The following DPYSL2 variants were observed in gnomAD, a reference collection of about 807,000 sequenced individuals.
The protein encoded by DPYSL2 is dihydropyrimidinase-related protein 2.
Under a neutral mutation model 69.9 loss-of-function variants are expected in DPYSL2, and 13 were observed. The ratio of observed to expected loss-of-function variants is 0.19; its 90% CI spans 0.12 to 0.30. The LOEUF (loss-of-function observed/expected upper bound fraction) is 0.30. DPYSL2 is among the 10% of genes least tolerant of loss of function. The pLI is 1.00. For synonymous variants in DPYSL2, 326 were observed against 359.1 expected (o/e 0.91, Z 1.04); for missense variants, 587 against 918.9 (o/e 0.64, Z 4.67).
chr8:26,626,802 G>A lies in DPYSL2; in HGVS notation c.855+124G>A. 9.9e-7 allele frequency: 1 copy of A among 1,010,052 alleles called. No individual in the cohort carries two copies. The highest frequency in any genetic ancestry group is 1.5e-6 in the Non-Finnish European group (1 of 668,530). 62.6% of individuals were successfully genotyped at this position (1,010,052 alleles called of 1,614,324 possible). On this transcript the variant is annotated intron_variant, in intron 5 of 13. Transcript: ENST00000521913. The surrounding 1 kb of genome is among the most constrained non-coding windows in gnomAD (Gnocchi z 4.3). ...GCTTCCTGGGAAGTGGCTGGTGGAT[G>A]CAGTTACTGATGTAACTGAGCCTTG...
At chr8:26,546,831 G>T (rs1385670492) in intron 1 of DPYSL2, among the ~76,000 whole-genome samples, 10 of 147,884 alleles carry the variant, frequency 6.8e-5, no homozygotes, top group Non-Finnish European at 1.3e-4. Context: ...TGAGGCAGGC[G>T]AATGGCGTGA....
intron 1 of DPYSL2, among the ~76,000 whole-genome samples, chr8:26,528,653 A>G (rs368133171): frequency 7.2e-5 from 11 of 152,020 alleles, no homozygotes; most frequent in African/African-American, 1.9e-4. Context: ...CTAAAAAAAA[A>G]AAAGAAAGAA....
At position 26,657,473 on chromosome 8, in the gene DPYSL2, A is replaced by G. The variant is rs113276851; in HGVS notation, c.*1767A>G. The G allele has an allele frequency of 1.3e-5, 2 of 152,508 alleles. No homozygotes were observed. Among genetic ancestry groups the G allele is most frequent in the East Asian group, 3.8e-4 (2 of 5,198 alleles). 9.4% of individuals were successfully genotyped at this position (152,508 alleles called of 1,614,324 possible). A position where few individuals can be genotyped will look rare whatever the true frequency, so the allele number is the denominator to read the frequency against. On this transcript the variant is annotated 3_prime_UTR_variant, in exon 14 of 14. Coordinates refer to ENST00000521913, the MANE Select transcript of DPYSL2 (RefSeq NM_001197293.3). ...AAAACATCACAAAGTAGGTCATTCC[A>G]TCACCACCCTTGTCTCTCTACACAT...
intron 3 of DPYSL2, among the ~76,000 whole-genome samples, chr8:26,622,158 C>CTTCCTTCCTTCCTTCCTTCCCTCT (rs1554544255): frequency 5.5e-5 from 2 of 36,356 alleles, no homozygotes; most frequent in African/African-American, 1.9e-4. Context: ...TCCTTCCTTC[C>CTTCCTTCCTTCCTTCCTTCCCTCT]CTCTCTCTCT....
intron 1 of DPYSL2, among the ~76,000 whole-genome samples, chr8:26,561,031 A>G (rs1276169878): frequency 6.6e-6 from 1 of 151,536 alleles, no homozygotes; most frequent in Non-Finnish European, 1.5e-5. Context: ...CTCACCCTCT[A>G]CCTGCCGTCA....
intron 3 of DPYSL2, among the ~76,000 whole-genome samples, chr8:26,611,364 C>G (rs1189038357): frequency 6.6e-6 from 1 of 152,102 alleles, no homozygotes. Flanking sequence ...AGTTGAGGCC[C>G]CCTTGTCTGA....
intron 1 of DPYSL2, among the ~76,000 whole-genome samples, chr8:26,530,622 C>A (rs1800491208): frequency 6.6e-6 from 1 of 152,166 alleles, no homozygotes; most frequent in Admixed American, 6.5e-5. Context: ...CTTTGTCCTT[C>A]CTTCTGGCCA....
At chr8:26,600,273 C>T (rs1042539286) in intron 3 of DPYSL2, among the ~76,000 whole-genome samples, 3 of 151,948 alleles carry the variant, frequency 2.0e-5, no homozygotes, top group African/African-American at 7.3e-5. Context: ...GGGTATATAC[C>T]GAGGAGTGGA....
intron 1 of DPYSL2, among the ~76,000 whole-genome samples, chr8:26,537,622 A>ACACACACACAC (rs1800614961): frequency 6.6e-6 from 1 of 151,866 alleles, no homozygotes; most frequent in Non-Finnish European, 1.5e-5. Context: ...ACACACACAC[A>ACACACACACAC]CACACACACA....
chr8:26,538,304 T>C (rs557860286), intron 1 of DPYSL2, among the ~76,000 whole-genome samples: 1 of 152,278 alleles, frequency 6.6e-6, no homozygotes, highest in East Asian at 1.9e-4. Context: ...AAAATAGTTA[T>C]GGGAGAGCTC....
intron 8 of DPYSL2, among the ~76,000 whole-genome samples, chr8:26,638,551 C>T (rs12541748): frequency 0.64 from 96,999 of 152,042 alleles, 32,993 homozygotes; most frequent in Non-Finnish European, 0.76. Flanking sequence ...CTGAGAGACA[C>T]GCTGAGAGAC....
At chr8:26,611,906 C>T (rs1265052861) in intron 3 of DPYSL2, among the ~76,000 whole-genome samples, 4 of 152,168 alleles carry the variant, frequency 2.6e-5, no homozygotes, top group Non-Finnish European at 5.9e-5. Flanking sequence ...TGGCCTGGTT[C>T]GGGGATGCCT....
chr8:26,527,819 T>C (rs1366731846), intron 1 of DPYSL2, among the ~76,000 whole-genome samples: 1 of 150,988 alleles, frequency 6.6e-6, no homozygotes, highest in Non-Finnish European at 1.5e-5. Flanking sequence ...TTTTTTTTTT[T>C]TTAGATGGAG....
At chr8:26,604,600 C>T (rs1448458774) in intron 3 of DPYSL2, among the ~76,000 whole-genome samples, 5 of 151,914 alleles carry the variant, frequency 3.3e-5, no homozygotes, top group South Asian at 2.1e-4. Context: ...GCTGCAGGGC[C>T]GATGAAAAGT....
At chr8:26,604,371 A>G (rs140918072) in intron 3 of DPYSL2, among the ~76,000 whole-genome samples, 37 of 152,306 alleles carry the variant, frequency 2.4e-4, no homozygotes, top group Middle Eastern at 6.8e-3. Flanking sequence ...GGTGAAAGCC[A>G]ATGAGTATTC....
chr8:26,556,261 C>G (rs1443132639), intron 1 of DPYSL2, among the ~76,000 whole-genome samples: 28 of 2,520 alleles, frequency 0.011, 4 homozygotes, highest in Middle Eastern at 0.25. Flanking sequence ...TATATATATA[C>G]TATAGTATAT....
At chr8:26,651,142 C>T (rs1217779896) in intron 11 of DPYSL2, among the ~76,000 whole-genome samples, 1 of 152,190 alleles carries the variant, frequency 6.6e-6, no homozygotes, top group African/African-American at 2.4e-5. Flanking sequence ...TGCTATGGTT[C>T]CTTTGGTAGC....
At chr8:26,630,969 T>C (rs561505530) in intron 7 of DPYSL2, among the ~76,000 whole-genome samples, 1 of 152,302 alleles carries the variant, frequency 6.6e-6, no homozygotes, top group East Asian at 1.9e-4. Flanking sequence ...GGTGAGAAGA[T>C]GTCCTCTGAG....
Position 26,582,143 on chromosome 8 carries a change from A to G in DPYSL2, c.443+86A>G. ...GATACCATTCGCATCCAAAGTATCA[A>G]ACTTCAGGAACATCAGAGAGTGACC... On this transcript the variant is annotated intron_variant, in intron 2 of 13. Transcript: ENST00000521913. The surrounding 1 kb of genome is among the most constrained non-coding windows in gnomAD (Gnocchi z 4.1). 9.3e-7 allele frequency: 1 copy of G among 1,073,380 alleles called. No homozygotes were observed. The highest frequency in any genetic ancestry group is 1.6e-5 in the African/African-American group (1 of 64,418). 66.5% of individuals were successfully genotyped at this position (1,073,380 alleles called of 1,614,324 possible).
Sources: allele counts gnomAD v4.1 joint callset (sites outside exome capture counted in the v4.1 genomes callset), GRCh38; gene constraint gnomAD v4.1.1; non-coding constraint Gnocchi (gnomAD v3.1); transcripts MANE v1.5; gene names NCBI Gene and HGNC (gene_info 2026-07-23, HGNC 2026-07-21).